NCOR2: variants seen among roughly 807,000 people sequenced by gnomAD.
NCOR2 encodes nuclear receptor corepressor 2.
In NCOR2, 81 loss-of-function variants were observed where a neutral mutation model predicts 262.9. The ratio of observed to expected loss-of-function variants is 0.31; its 90% CI spans 0.26 to 0.37. NCOR2 has a LOEUF of 0.37. NCOR2 is among the 10% of genes least tolerant of loss of function. The pLI, the probability that NCOR2 is intolerant of heterozygous loss-of-function variation, is 1.00. For missense variants in NCOR2, 3,385 were observed against 3,621.4 expected, an observed-to-expected ratio of 0.93 and a Z score of 1.68; for synonymous variants, 1,659 against 1,559.3, an observed-to-expected ratio of 1.06 and a Z score of -1.51.
intron 38 of NCOR2, 118 bp downstream of exon 40, chr12:124,336,635 T>C: frequency 6.6e-7 from 1 of 1,506,828 alleles, no homozygotes; most frequent in Non-Finnish European, 8.9e-7. Context: ...GCCGGAAGTC[T>C]TACCATCGCG....
At chr12:124,430,113 G>T (rs1004455212) in intron 9 of NCOR2, among the ~76,000 whole-genome samples, 1 of 152,232 alleles carries the variant, frequency 6.6e-6, no homozygotes, top group Non-Finnish European at 1.5e-5. Flanking sequence ...GACATGGCTT[G>T]TGACTTCAGT....
At chr12:124,543,491 C>A (rs117996979) in intron 1 of NCOR2, among the ~76,000 whole-genome samples, 12,645 of 152,310 alleles carry the variant, frequency 0.083, 714 homozygotes, top group East Asian at 0.16. Context: ...GGCGGGGAGA[C>A]GGGACCCCGA....
chr12:124,358,042 ATGTG>A (rs568403647), intron 22 of NCOR2, among the ~76,000 whole-genome samples: 3 of 104,952 alleles, frequency 2.9e-5, no homozygotes, highest in African/African-American at 3.9e-5. Flanking sequence ...GAGTGCATGG[ATGTG>A]TGTGTGCCTG....
rs776613078 is a variant in NCOR2, at chr12:124,388,751, G to C, written c.1877-2864C>G. Reference sequence around the variant, plus strand: ...AACATAGGGCTGGGAAGATGCCCCAGGGAGCGGGCCGAAGTGGGCCGGCAG... The same window carrying C: ...AACATAGGGCTGGGAAGATGCCCCACGGAGCGGGCCGAAGTGGGCCGGCAG... On this transcript the variant is annotated intron_variant, in intron 16 of 46. Coordinates refer to ENST00000405201, the Ensembl canonical transcript of NCOR2. 14 of 1,304,266 alleles carry C rather than the reference G, an allele frequency of 1.1e-5. No individual in the cohort carries two copies. In the African/African-American group the frequency reaches 1.8e-4, roughly 17 times the overall value. 80.8% of individuals were successfully genotyped at this position (1,304,266 alleles called of 1,614,324 possible).
rs371681400 is a variant in NCOR2 at position 124,483,082 on chromosome 12, G to C, written c.411+514C>G. On this transcript the variant is annotated intron_variant, in intron 3 of 46. Coordinates refer to ENST00000405201, the Ensembl canonical transcript of NCOR2. The surrounding 1 kb of genome is among the most constrained non-coding windows in gnomAD (Gnocchi z 6.3). ...CCTGAGCTGTCCACCTCGCGGGCCG[G>C]GGTTCAAGGCCCAGGGGGCTGCCTG... 7.2e-5 allele frequency among the ~76,000 whole-genome samples: 11 copies of C among 152,128 alleles called. 1 individual carries two copies. The South Asian group carries it at 2.3e-3, about 32-fold the overall frequency.
intron 1 of NCOR2, among the ~76,000 whole-genome samples, chr12:124,521,034 G>A (rs928661275): frequency 2.6e-5 from 4 of 152,220 alleles, no homozygotes; most frequent in Non-Finnish European, 5.9e-5. Context: ...AGGCTCAGCT[G>A]GCGAATGGGG....
exon 45 of NCOR2, chr12:124,327,582 A>T: frequency 6.2e-7 from 1 of 1,611,474 alleles, no homozygotes; most frequent in African/African-American, 1.3e-5. Flanking sequence ...CTCCAGCCCC[A>T]TGTTGGTGCT....
chr12:124,558,015 C>A (rs2051939108), intron 1 of NCOR2, among the ~76,000 whole-genome samples: 1 of 152,160 alleles, frequency 6.6e-6, no homozygotes, highest in African/African-American at 2.4e-5. Flanking sequence ...CCAACCCCAC[C>A]CGGCAGGCTC....
rs1230932243 is a variant in NCOR2 at position 124,334,592 on chromosome 12, C to T, written c.6437G>A (p.Arg2146Gln). The T allele has an allele frequency of 6.4e-6, 9 of 1,398,020 alleles. No homozygotes were observed. The African/African-American group carries it at 7.5e-5, about 12-fold the overall frequency. The allele number at this position is 1,398,020 out of a possible 1,614,324, so 86.6% of individuals were successfully genotyped here. ...TGCGCTGAGCTGCTGTGGGTGGTGC[C>T]GGGTGTAGTCCTGTGTGATGACCTC... The change falls in exon 41 of 47, where the codon CGG becomes CAG. Residue 2146 changes from arginine (R) to glutamine (Q), a missense_variant. Coordinates refer to ENST00000405201, the Ensembl canonical transcript of NCOR2.
chr12:124,500,452 T>G (rs1379830016), intron 1 of NCOR2, among the ~76,000 whole-genome samples: 1 of 152,148 alleles, frequency 6.6e-6, no homozygotes, highest in Non-Finnish European at 1.5e-5. Context: ...CGGGCTTTGG[T>G]AAGGTTTCCA....
chr12:124,379,482 AG>A (rs1172511901), intron 17 of NCOR2, among the ~76,000 whole-genome samples: 3 of 152,220 alleles, frequency 2.0e-5, no homozygotes, highest in Admixed American at 6.5e-5. Flanking sequence ...AGCAGAGAGC[AG>A]GGGCATCGTG....
intron 17 of NCOR2, among the ~76,000 whole-genome samples, chr12:124,379,642 G>A (rs1420109272): frequency 1.3e-5 from 2 of 152,220 alleles, no homozygotes; most frequent in Non-Finnish European, 2.9e-5. Flanking sequence ...ACACCTGGAG[G>A]TGCCCGCAGC....
At position 124,488,968 on chromosome 12, in the gene NCOR2, C is replaced by T. The variant is rs573128871; in HGVS notation, c.106-2400G>A. On this transcript the variant is annotated intron_variant, in intron 1 of 46. Coordinates refer to ENST00000405201, the Ensembl canonical transcript of NCOR2. ...GAGCATCTTGGGTGCCGTTTCTGCCCAAAATCTGTGGGCATTTTGTTACTG... is the reference window on the plus strand; with the variant it reads ...GAGCATCTTGGGTGCCGTTTCTGCCTAAAATCTGTGGGCATTTTGTTACTG... Among the ~76,000 whole-genome samples, 27 of 151,752 alleles carry T rather than the reference C, an allele frequency of 1.8e-4. No individual in the cohort carries two copies. In the South Asian group the frequency reaches 4.4e-3, roughly 25 times the overall value.
chr12:124,367,626 T>TTTTA (rs1410030717), intron 20 of NCOR2, among the ~76,000 whole-genome samples: 52 of 152,236 alleles, frequency 3.4e-4, no homozygotes, highest in Non-Finnish European at 6.0e-4. Flanking sequence ...CTTTGTTTTA[T>TTTTA]TTTATTTATT....
chr12:124,413,594 C>A (rs1366949331), intron 13 of NCOR2, among the ~76,000 whole-genome samples: 1 of 152,128 alleles, frequency 6.6e-6, no homozygotes, highest in Non-Finnish European at 1.5e-5. Context: ...TGGCCTGGAG[C>A]CACGGGCACC....
At chr12:124,405,912 A>T (rs372045843) in intron 13 of NCOR2, among the ~76,000 whole-genome samples, 3 of 152,112 alleles carry the variant, frequency 2.0e-5, no homozygotes, top group African/African-American at 7.2e-5. Context: ...ACTGGGGGCC[A>T]TGGTTCTCAA....
In NCOR2 at chr12:124,503,489, G is replaced by C. The variant is rs1189344925; in HGVS notation, c.-117-8121C>G. 2.0e-5 allele frequency among the ~76,000 whole-genome samples: 3 copies of C among 151,918 alleles called. No homozygotes were observed. The highest frequency in any genetic ancestry group is 2.9e-5 in the Non-Finnish European group (2 of 67,964). ...CTGATGGATGGATGGATGGATGATG[G>C]ATTGATGGATGGATGGATGGATGGA... is the stretch of plus-strand genomic sequence containing the variant. On this transcript the variant is annotated intron_variant, in intron 1 of 46. Transcript: ENST00000404621. This position sits in a 1 kb window ranked among gnomAD's most constrained non-coding sequence, Gnocchi z 4.3.
chr12:124,359,227 C>T (rs2038294644), intron 22 of NCOR2, among the ~76,000 whole-genome samples: 1 of 152,212 alleles, frequency 6.6e-6, no homozygotes, highest in Non-Finnish European at 1.5e-5. Context: ...AGAAGTTGAG[C>T]AGAGACACAA....
At chr12:124,336,476 C>G in intron 38 of NCOR2, 1 of 574,872 alleles carries the variant, frequency 1.7e-6, no homozygotes, top group South Asian at 4.8e-5. Context: ...GGGGCAGGCG[C>G]GGCCGGAGTA....
Sources: allele counts gnomAD v4.1 joint callset (sites outside exome capture counted in the v4.1 genomes callset), GRCh38; gene constraint gnomAD v4.1.1; non-coding constraint Gnocchi (gnomAD v3.1); transcripts MANE v1.5; gene names NCBI Gene and HGNC (gene_info 2026-07-23, HGNC 2026-07-21).